LRRC4C: variants seen among roughly 807,000 people sequenced by gnomAD.
LRRC4C encodes the protein leucine rich repeat containing 4C.
In LRRC4C, 5 loss-of-function variants were observed where a neutral mutation model predicts 33.6. The observed-to-expected ratio is 0.15, with a 90% CI of 0.08 to 0.31. The LOEUF (loss-of-function observed/expected upper bound fraction) is 0.31. Ranked by LOEUF, LRRC4C falls within the 10% of genes least tolerant of loss-of-function variation. The pLI is 1.00. For missense variants in LRRC4C, 560 were observed against 796.7 expected, an observed-to-expected ratio of 0.70 and a Z score of 3.58; for synonymous variants, 329 against 302.0, an observed-to-expected ratio of 1.09 and a Z score of -0.93.
chr11:40,769,449 T>C (rs1272963308), intron 2 of LRRC4C, among the ~76,000 whole-genome samples: 1 of 152,058 alleles, frequency 6.6e-6, no homozygotes, highest in Non-Finnish European at 1.5e-5. Flanking sequence ...AAAACACCAA[T>C]GAAATTCTTC....
At chr11:41,011,650 G>T (rs1028161028) in intron 1 of LRRC4C, among the ~76,000 whole-genome samples, 2 of 151,588 alleles carry the variant, frequency 1.3e-5, no homozygotes, top group African/African-American at 4.8e-5. Flanking sequence ...AACTGGCCAC[G>T]TACTCCAAAT....
In LRRC4C at chr11:41,119,222, CA is replaced by C. The variant is rs1942299839; in HGVS notation, c.-495-185500del. ...TTCAGGCACTGTTTTAAGTACATAG[CA>C]TATTTTAAATTATTTTAATTTTCAT... On this transcript the variant is annotated intron_variant, in intron 1 of 6. Transcript: ENST00000528697. 5.3e-5 allele frequency among the ~76,000 whole-genome samples: 8 copies of C among 152,090 alleles called. No homozygotes were observed. The South Asian group carries it at 1.7e-3, about 31-fold the overall frequency.
intron 3 of LRRC4C, among the ~76,000 whole-genome samples, chr11:40,438,278 C>A (rs1951229691): frequency 6.6e-6 from 1 of 152,216 alleles, no homozygotes; most frequent in African/African-American, 2.4e-5. Context: ...TCTCACTTCA[C>A]CTTTTCAGTA....
chr11:40,920,990 G>A (rs1163571463), intron 2 of LRRC4C, among the ~76,000 whole-genome samples: 2 of 149,724 alleles, frequency 1.3e-5, no homozygotes, highest in African/African-American at 4.9e-5. Flanking sequence ...TCATCATCAT[G>A]GCTCACTGCA....
chr11:40,125,193 C>A (rs1856122124), intron 6 of LRRC4C, among the ~76,000 whole-genome samples: 1 of 152,026 alleles, frequency 6.6e-6, no homozygotes, highest in Admixed American at 6.6e-5. Context: ...GGGAAGTCAG[C>A]TGAGGGATTT....
At chr11:40,230,788 T>C (rs17386881) in intron 5 of LRRC4C, among the ~76,000 whole-genome samples, 1 of 152,146 alleles carries the variant, frequency 6.6e-6, no homozygotes, top group East Asian at 1.9e-4. Flanking sequence ...GAATCAAATA[T>C]AGATGCTTAG....
At chr11:40,853,398 A>G (rs966364697) in intron 2 of LRRC4C, among the ~76,000 whole-genome samples, 5 of 148,490 alleles carry the variant, frequency 3.4e-5, no homozygotes, top group African/African-American at 1.2e-4. Flanking sequence ...ATATAAATGT[A>G]TATGTTTATA....
chr11:40,565,275 G>A (rs950224781), intron 3 of LRRC4C, among the ~76,000 whole-genome samples: 2 of 150,132 alleles, frequency 1.3e-5, no homozygotes, highest in Admixed American at 6.6e-5. Flanking sequence ...GGCTGCTATC[G>A]GGGGCAGTGT....
chr11:41,123,258 TTTG>T (rs1565404032), intron 1 of LRRC4C, among the ~76,000 whole-genome samples: 2 of 45,538 alleles, frequency 4.4e-5, no homozygotes, highest in African/African-American at 1.1e-4. Context: ...TGAGCTATGT[TTTG>T]TTTTTTTTTT....
intron 1 of LRRC4C, among the ~76,000 whole-genome samples, chr11:41,115,083 A>T (rs1942045155): frequency 6.6e-6 from 1 of 152,038 alleles, no homozygotes; most frequent in Non-Finnish European, 1.5e-5. Context: ...ATGCTTGAAA[A>T]TTTTTATAAT....
chr11:40,553,891 G>C (rs1428584885), intron 3 of LRRC4C, among the ~76,000 whole-genome samples: 1 of 152,020 alleles, frequency 6.6e-6, no homozygotes, highest in African/African-American at 2.4e-5. Context: ...TCTGTAGGTT[G>C]CCTGTGTGCT....
chr11:40,503,101 A>G (rs1380050195), intron 3 of LRRC4C, among the ~76,000 whole-genome samples: 1 of 152,086 alleles, frequency 6.6e-6, no homozygotes, highest in Non-Finnish European at 1.5e-5. Flanking sequence ...GCGCATGGCT[A>G]CTATACTGTT....
At chr11:40,941,980 A>G (rs944576884) in intron 1 of LRRC4C, among the ~76,000 whole-genome samples, 2 of 152,122 alleles carry the variant, frequency 1.3e-5, no homozygotes, top group Non-Finnish European at 2.9e-5. Context: ...CAATAAATTT[A>G]TTGGCAGATA....
intron 3 of LRRC4C, among the ~76,000 whole-genome samples, chr11:40,360,707 C>T (rs1947908722): frequency 6.6e-6 from 1 of 152,040 alleles, no homozygotes; most frequent in South Asian, 2.1e-4. Context: ...TGAAACTATT[C>T]CAGAAAATTG....
chr11:40,831,205 C>G (rs1268775838), intron 2 of LRRC4C, among the ~76,000 whole-genome samples: 7 of 152,166 alleles, frequency 4.6e-5, no homozygotes, highest in Non-Finnish European at 1.0e-4. Context: ...GTAATTATTC[C>G]TAAGTATAAG....
intron 5 of LRRC4C, among the ~76,000 whole-genome samples, chr11:40,201,082 GAA>G (rs1862711016): frequency 6.6e-6 from 1 of 152,130 alleles, no homozygotes; most frequent in South Asian, 2.1e-4. Context: ...GGAGGACAGA[GAA>G]AAAGAGAGAG....
intron 1 of LRRC4C, among the ~76,000 whole-genome samples, chr11:41,250,783 C>T (rs1948613133): frequency 6.6e-6 from 1 of 152,138 alleles, no homozygotes; most frequent in African/African-American, 2.4e-5. Flanking sequence ...AAAATGCAAG[C>T]CAATCTGTTT....
At chr11:40,727,451 C>T (rs1034446522) in intron 2 of LRRC4C, among the ~76,000 whole-genome samples, 24 of 152,028 alleles carry the variant, frequency 1.6e-4, no homozygotes, top group Non-Finnish European at 2.9e-5. Context: ...TAAGACTTCA[C>T]ACTATAAAAA....
chr11:41,285,104 ATTGT>A (rs1465463282), intron 1 of LRRC4C, among the ~76,000 whole-genome samples: 1 of 152,168 alleles, frequency 6.6e-6, no homozygotes, highest in African/African-American at 2.4e-5. Context: ...TTTGGTAAAG[ATTGT>A]TTGATTCAAC....
Sources: allele counts gnomAD v4.1 joint callset (sites outside exome capture counted in the v4.1 genomes callset), GRCh38; gene constraint gnomAD v4.1.1; transcripts MANE v1.5; gene names NCBI Gene and HGNC (gene_info 2026-07-23, HGNC 2026-07-21).